The following PDZD2 variants were observed in gnomAD, a reference collection of about 807,000 sequenced individuals.
PDZD2 encodes the protein PDZ domain-containing protein 2.
Under a neutral mutation model 220.7 loss-of-function variants are expected in PDZD2, and 90 were observed. That is an observed-to-expected ratio of 0.41 (90% CI 0.34 to 0.49). The LOEUF (loss-of-function observed/expected upper bound fraction) is 0.49, where lower values mean the gene tolerates loss of function less well. Ranked by LOEUF, PDZD2 falls within the 20% of genes least tolerant of loss-of-function variation. The pLI, the probability that PDZD2 is intolerant of heterozygous loss-of-function variation, is 0.28. For missense variants in PDZD2, 3,174 were observed against 3,608.5 expected (o/e 0.88, Z 3.08); for synonymous variants, 1,375 against 1,450.5 (o/e 0.95, Z 1.18).
At chr5:31,903,217 C>T (rs1469372987) in intron 2 of PDZD2, among the ~76,000 whole-genome samples, 1 of 151,770 alleles carries the variant, frequency 6.6e-6, no homozygotes, top group East Asian at 1.9e-4. Flanking sequence ...TCGCTTGAAC[C>T]CGGGAGGCAG....
intron 6 of PDZD2, among the ~76,000 whole-genome samples, chr5:32,029,353 A>AAAAAAT (rs1338113127): frequency 6.9e-6 from 1 of 144,942 alleles, no homozygotes; most frequent in Non-Finnish European, 1.5e-5. Context: ...AAAAAAAAAA[A>AAAAAAT]GCTTTTCCAC....
In PDZD2 at chr5:32,037,231, A is replaced by G. The variant is rs151054789; in HGVS notation, c.1408A>G (p.Met470Val). Residue 470 changes from methionine (M) to valine (V), a missense_variant and splice_region_variant, in exon 7 of 25, where the codon ATG becomes GTG. Transcript: ENST00000438447. ...EGTSSSVQRAMPGTDEPQDVC... is the reference protein window; with the variant it reads ...EGTSSSVQRAVPGTDEPQDVC... ...CAGCTCTGTGCTTTCTGCATTTCAG[A>G]TGCCTGGGACAGATGAACCCCAAGA... 103 of 1,607,376 alleles carry G rather than the reference A, an allele frequency of 6.4e-5. No individual in the cohort carries two copies. The African/African-American group carries it at 1.3e-3, about 20-fold the overall frequency.
intron 7 of PDZD2, among the ~76,000 whole-genome samples, chr5:32,042,665 T>C (rs188924265): frequency 3.9e-5 from 6 of 152,234 alleles, no homozygotes; most frequent in Admixed American, 1.3e-4. Flanking sequence ...CTTGAACGAG[T>C]TACAACATGG....
At chr5:31,873,608 C>A (rs1739032846) in intron 2 of PDZD2, among the ~76,000 whole-genome samples, 2 of 150,060 alleles carry the variant, frequency 1.3e-5, no homozygotes, top group Non-Finnish European at 3.0e-5. Flanking sequence ...GCTATGTTGC[C>A]CAGGCTGGTT....
chr5:31,661,809 T>C (rs1450936341), intron 1 of PDZD2, among the ~76,000 whole-genome samples: 1 of 151,532 alleles, frequency 6.6e-6, no homozygotes, highest in Admixed American at 6.6e-5. Context: ...TCTTTTTTTT[T>C]CATCAGAGAT....
At chr5:31,717,189 T>G (rs936330831) in intron 1 of PDZD2, among the ~76,000 whole-genome samples, 1 of 152,196 alleles carries the variant, frequency 6.6e-6, no homozygotes, top group Non-Finnish European at 1.5e-5. Flanking sequence ...GTGCCCGTTG[T>G]GTCTGGCCTT....
intron 8 of PDZD2, 61 bp downstream of exon 8, chr5:32,048,745 G>T: frequency 6.4e-7 from 1 of 1,555,446 alleles, no homozygotes; most frequent in Non-Finnish European, 8.8e-7. Context: ...AAGAAGAACT[G>T]CCCATCCATA....
At chr5:31,887,832 G>T (rs948042911) in intron 2 of PDZD2, among the ~76,000 whole-genome samples, 2 of 145,478 alleles carry the variant, frequency 1.4e-5, no homozygotes, top group Non-Finnish European at 3.0e-5. Flanking sequence ...GGGAGGGGGG[G>T]AACAGCACTT....
chr5:32,025,002 G>A (rs1195165944), intron 6 of PDZD2, among the ~76,000 whole-genome samples: 1 of 152,334 alleles, frequency 6.6e-6, no homozygotes, highest in South Asian at 2.1e-4. Context: ...TGTGAGCCTG[G>A]AACAGCCTCT....
chr5:32,052,612 A>G lies in PDZD2; in HGVS notation c.1667A>G (p.Glu556Gly), dbSNP rs1432259186. The change falls in exon 9 of 25, where the codon GAA (glutamate) becomes GGA (glycine). Residue 556 changes from glutamate (E) to glycine (G), a missense_variant and splice_region_variant. Coordinates refer to ENST00000438447, the MANE Select transcript of PDZD2 (RefSeq NM_178140.4). ...ACCTTGCCGTGTGCTGACTTTTAGG[A>G]ATACCACATTGTGAAGAAGTCTACC... is the stretch of plus-strand genomic sequence containing the variant. ...QLLDSSSASQ[E>G]YHIVKKSTRS... The G allele has an allele frequency of 1.1e-5, 17 of 1,613,850 alleles. No homozygotes were observed. Among genetic ancestry groups the G allele is most frequent in the Non-Finnish European group, 1.4e-5 (17 of 1,179,732 alleles).
At chr5:31,912,871 G>A (rs1166654772) in intron 2 of PDZD2, among the ~76,000 whole-genome samples, 3 of 152,244 alleles carry the variant, frequency 2.0e-5, no homozygotes, top group South Asian at 2.1e-4. Flanking sequence ...TCTGAAGTTC[G>A]GGCTTTCATC....
intron 4 of PDZD2, 116 bp downstream of exon 4, chr5:31,995,834 A>G: frequency 1.1e-6 from 1 of 950,398 alleles, no homozygotes; most frequent in East Asian, 2.6e-5. Context: ...TATAGTTCAT[A>G]AAGATTATGC....
chr5:32,080,883 C>T (rs989482600), intron 19 of PDZD2, among the ~76,000 whole-genome samples: 1 of 151,872 alleles, frequency 6.6e-6, no homozygotes, highest in South Asian at 2.1e-4. Flanking sequence ...AACACATGGA[C>T]ACAGGGAAGG....
intron 2 of PDZD2, among the ~76,000 whole-genome samples, chr5:31,960,948 C>G (rs1305013990): frequency 6.6e-6 from 1 of 152,102 alleles, no homozygotes; most frequent in Admixed American, 6.6e-5. Flanking sequence ...GACCGACTGA[C>G]TTATTCATTG....
intron 1 of PDZD2, among the ~76,000 whole-genome samples, chr5:31,714,495 T>C (rs562305241): frequency 6.6e-6 from 1 of 152,298 alleles, no homozygotes; most frequent in South Asian, 2.1e-4. Flanking sequence ...GGAGGTGTTA[T>C]GGGAATGGGA....
chr5:31,918,263 C>A (rs1385068510), intron 2 of PDZD2, among the ~76,000 whole-genome samples: 1 of 152,142 alleles, frequency 6.6e-6, no homozygotes, highest in African/African-American at 2.4e-5. Flanking sequence ...GGACACAAAT[C>A]CAAACCATAT....
intron 7 of PDZD2, among the ~76,000 whole-genome samples, chr5:32,043,550 GCACTAC>G (rs1480536542): frequency 6.6e-6 from 1 of 152,232 alleles, no homozygotes; most frequent in Non-Finnish European, 1.5e-5. Flanking sequence ...AATGCATATG[GCACTAC>G]CACTCCATGG....
chr5:31,799,621 A>C lies in PDZD2; in HGVS notation c.373A>C (p.Arg125=). 1 of 1,614,084 alleles carries C rather than the reference A, an allele frequency of 6.2e-7. No individual in the cohort carries two copies. ...DVGCIWVTEL[R]KNSPAGKSGK... ...GGGCTGCATCTGGGTGACAGAGCTG[A>C]GGAAGAACAGCCCAGCAGGGAAGAG... Residue 125 remains arginine (R), a synonymous_variant, in exon 2 of 25, where the codon AGG becomes CGG. Coordinates refer to ENST00000438447, the MANE Select transcript of PDZD2 (RefSeq NM_178140.4).
chr5:32,091,220 T>G (rs373923850), intron 20 of PDZD2, 45 bp downstream of exon 20: 36 of 1,420,534 alleles, frequency 2.5e-5, no homozygotes, highest in Non-Finnish European at 3.2e-5. Flanking sequence ...ACTTGTTTCA[T>G]TTTGGAATAG....
Sources: allele counts gnomAD v4.1 joint callset (sites outside exome capture counted in the v4.1 genomes callset), GRCh38; gene constraint gnomAD v4.1.1; transcripts MANE v1.5; gene names NCBI Gene and HGNC (gene_info 2026-07-23, HGNC 2026-07-21).